M1AP: variants seen among roughly 807,000 people sequenced by gnomAD.
The protein encoded by M1AP is meiosis 1 associated protein.
M1AP carries 39 observed loss-of-function variants against 51.2 expected under a neutral mutation model. That is an observed-to-expected ratio of 0.76 (90% CI 0.59 to 1.00). The LOEUF (loss-of-function observed/expected upper bound fraction) is 1.00. Ranked by LOEUF, M1AP falls within the 50% of genes least tolerant of loss-of-function variation. M1AP has a pLI of 0.00. For synonymous variants in M1AP, 251 were observed against 249.2 expected, an observed-to-expected ratio of 1.01 and a Z score of -0.07; for missense variants, 545 against 641.2, an observed-to-expected ratio of 0.85 and a Z score of 1.62.
At chr2:74,638,436 G>C (rs988707834) in intron 2 of M1AP, among the ~76,000 whole-genome samples, 4 of 152,176 alleles carry the variant, frequency 2.6e-5, no homozygotes, top group African/African-American at 9.7e-5. Flanking sequence ...TTTGAGGCAA[G>C]AGGGTAAATC....
chr2:74,643,290 A>C (rs1159239504), intron 1 of M1AP, among the ~76,000 whole-genome samples: 1 of 152,216 alleles, frequency 6.6e-6, no homozygotes, highest in Non-Finnish European at 1.5e-5. Flanking sequence ...CACATACAGC[A>C]ATGAAGATGA....
At chr2:74,631,787 A>T (rs1054560946) in intron 2 of M1AP, among the ~76,000 whole-genome samples, 2 of 152,202 alleles carry the variant, frequency 1.3e-5, no homozygotes, top group Non-Finnish European at 2.9e-5. Flanking sequence ...AATATTAATT[A>T]TGAATCCCTT....
At chr2:74,618,663 T>C (rs1681818172) in intron 2 of M1AP, among the ~76,000 whole-genome samples, 1 of 152,212 alleles carries the variant, frequency 6.6e-6, no homozygotes, top group African/African-American at 2.4e-5. Flanking sequence ...TGATGTCATG[T>C]TGCAAAATGA....
intron 1 of M1AP, chr2:74,647,161 A>G: frequency 1.1e-6 from 1 of 948,408 alleles, no homozygotes; most frequent in Non-Finnish European, 1.3e-6. Context: ...CAATTACACC[A>G]CTGGAAACAG....
intron 7 of M1AP, among the ~76,000 whole-genome samples, chr2:74,570,520 A>G (rs1336400414): frequency 6.6e-6 from 1 of 152,206 alleles, no homozygotes; most frequent in Non-Finnish European, 1.5e-5. Context: ...CCTATTTGAA[A>G]TATGTTTTTC....
intron 2 of M1AP, among the ~76,000 whole-genome samples, chr2:74,626,256 AG>A (rs1245203811): frequency 2.6e-4 from 36 of 136,518 alleles, no homozygotes; most frequent in African/African-American, 9.9e-4. Flanking sequence ...GCTATATTTC[AG>A]TTTTTTTTTT....
chr2:74,594,541 T>TC (rs1553411867), intron 4 of M1AP, among the ~76,000 whole-genome samples: 9 of 151,932 alleles, frequency 5.9e-5, no homozygotes, highest in Admixed American at 5.9e-4. Context: ...AAAAAATATT[T>TC]AAAAAAAATG....
chr2:74,619,005 A>G, intron 2 of M1AP: 1 of 526,954 alleles, frequency 1.9e-6, no homozygotes, highest in African/African-American at 1.9e-5. Flanking sequence ...GCCTTCATGC[A>G]TATTTTCACG....
intron 1 of M1AP, chr2:74,648,002 C>T: frequency 6.1e-6 from 6 of 985,360 alleles, no homozygotes; most frequent in Non-Finnish European, 7.2e-6. Flanking sequence ...GCCCGGCCCT[C>T]GGGCCTGGGG....
chr2:74,562,698 T>C (rs1372744013), intron 7 of M1AP, among the ~76,000 whole-genome samples: 2 of 152,196 alleles, frequency 1.3e-5, no homozygotes, highest in Admixed American at 1.3e-4. Context: ...AAGTAGGTGT[T>C]CATCCCAGAG....
intron 3 of M1AP, among the ~76,000 whole-genome samples, chr2:74,612,841 A>C (rs1681448470): frequency 6.6e-6 from 1 of 152,050 alleles, no homozygotes; most frequent in African/African-American, 2.4e-5. Context: ...ACTTTAAGAA[A>C]TTCTCAGTCA....
chr2:74,565,861 AC>A, intron 7 of M1AP, among the ~76,000 whole-genome samples: 1 of 151,470 alleles, frequency 6.6e-6, no homozygotes, highest in Non-Finnish European at 1.5e-5. Context: ...ACACACACAC[AC>A]ACACAAACAT....
At chr2:74,646,255 T>G (rs1468941691) in intron 1 of M1AP, among the ~76,000 whole-genome samples, 4 of 151,974 alleles carry the variant, frequency 2.6e-5, no homozygotes, top group Non-Finnish European at 5.9e-5. Context: ...AAACAAAAAC[T>G]GAAAGAGGAA....
intron 2 of M1AP, 151 bp downstream of exon 2, chr2:74,639,885 C>T: frequency 2.9e-6 from 2 of 690,338 alleles, no homozygotes; most frequent in Non-Finnish European, 2.4e-6. Flanking sequence ...GCAGGATGCC[C>T]TCTGGCTCTC....
intron 4 of M1AP, among the ~76,000 whole-genome samples, chr2:74,603,717 G>A (rs191825167): frequency 6.6e-6 from 1 of 152,276 alleles, no homozygotes; most frequent in East Asian, 1.9e-4. Context: ...ACATGGCTAA[G>A]GCTGGTTGCC....
At chr2:74,640,504 A>G (rs1054448012) in intron 1 of M1AP, among the ~76,000 whole-genome samples, 177 bp from the exon 2 acceptor site, 2 of 147,650 alleles carry the variant, frequency 1.4e-5, no homozygotes, top group Non-Finnish European at 3.0e-5. Flanking sequence ...GTATGTCACC[A>G]GGCTGGAGCG....
chr2:74,610,420 A>C (rs1311955215), intron 3 of M1AP, among the ~76,000 whole-genome samples: 1 of 152,124 alleles, frequency 6.6e-6, no homozygotes, highest in Non-Finnish European at 1.5e-5. Context: ...CTTATTAAAA[A>C]AAATCCTTGC....
At chr2:74,604,131 T>A (rs1025283585) in intron 4 of M1AP, among the ~76,000 whole-genome samples, 6 of 152,238 alleles carry the variant, frequency 3.9e-5, no homozygotes, top group Non-Finnish European at 7.3e-5. Flanking sequence ...TGTTTTAGCA[T>A]GGTATAGATG....
chr2:74,578,718 A>G (rs3025971), intron 5 of M1AP, among the ~76,000 whole-genome samples: 12,318 of 152,168 alleles, frequency 0.081, 1,395 homozygotes, highest in African/African-American at 0.25. Flanking sequence ...GAAGCACCTA[A>G]AGACGGGGTG....
Sources: gnomAD v4.1 joint callset for allele counts (sites outside exome capture counted in the v4.1 genomes callset) on GRCh38, gnomAD v4.1.1 for gene constraint, MANE v1.5 for transcripts, NCBI Gene and HGNC (gene_info 2026-07-23, HGNC 2026-07-21) for gene names.